Variants in MAP2 observed in about 807,000 individuals in gnomAD.
MAP2 encodes the protein microtubule associated protein 2.
A neutral mutation model predicts 137.6 loss-of-function variants in MAP2; 14 were observed. The ratio of observed to expected loss-of-function variants is 0.10; its 90% CI spans 0.07 to 0.16. The LOEUF is 0.16. Ranked by LOEUF, MAP2 falls within the 10% of genes least tolerant of loss-of-function variation. The pLI is 1.00. For missense variants in MAP2, 2,088 were observed against 2,191.5 expected (o/e 0.95, Z 0.94); for synonymous variants, 786 against 782.3 (o/e 1.00, Z -0.08).
chr2:209,631,005 CAAAAAAA>C (rs776266690), intron 4 of MAP2, among the ~76,000 whole-genome samples: 51 of 42,124 alleles, frequency 1.2e-3, no homozygotes, highest in East Asian at 4.3e-3. Context: ...GAGCTACAAG[CAAAAAAA>C]AAAAAAAAAA....
At chr2:209,566,796 A>AT (rs1414769727) in intron 2 of MAP2, among the ~76,000 whole-genome samples, 15 of 152,190 alleles carry the variant, frequency 9.9e-5, no homozygotes, top group African/African-American at 3.6e-4. Flanking sequence ...CTTTTAACTC[A>AT]TGAGTGTCAG....
chr2:209,696,459 G>A (rs2060214027), intron 8 of MAP2, 83 bp from the exon 9 acceptor site: 1 of 1,476,384 alleles, frequency 6.8e-7, no homozygotes, highest in Non-Finnish European at 9.2e-7. Flanking sequence ...TTTGTATTTT[G>A]TTAAATATAC....
At chr2:209,456,096 C>A (rs1701477556) in intron 1 of MAP2, among the ~76,000 whole-genome samples, 1 of 152,164 alleles carries the variant, frequency 6.6e-6, no homozygotes. Context: ...TACTCCCTGG[C>A]ATCTTGTCAC....
chr2:209,457,699 G>T (rs887731548), intron 1 of MAP2, among the ~76,000 whole-genome samples: 1 of 152,124 alleles, frequency 6.6e-6, no homozygotes, highest in African/African-American at 2.4e-5. Flanking sequence ...TAAACTCTAT[G>T]CATCACATGA....
intron 3 of MAP2, among the ~76,000 whole-genome samples, chr2:209,610,439 G>A (rs535214654): frequency 6.6e-6 from 1 of 151,340 alleles, no homozygotes; most frequent in African/African-American, 2.4e-5. Flanking sequence ...AATGTGTATT[G>A]TTTTTACTTT....
At position 209,653,326 on chromosome 2, in the gene MAP2, G is replaced by A; in HGVS notation, c.156G>A (p.Glu52=). ...GCGCCAATGGATTCCCATACAGGGA[G>A]GATGAAGAGGGTGCCTTTGGAGAGC... ...VRSANGFPYR[E]DEEGAFGEHG... is the part of the protein sequence containing the mutation. Residue 52 remains glutamate (E), a synonymous_variant, in exon 5 of 16, where the codon GAG becomes GAA. Transcript: ENST00000682079. 1 of 1,614,164 alleles carries A rather than the reference G, an allele frequency of 6.2e-7. No homozygotes were observed. Among genetic ancestry groups the A allele is most frequent in the South Asian group, 1.1e-5 (1 of 91,074 alleles).
intron 4 of MAP2, among the ~76,000 whole-genome samples, chr2:209,640,340 A>T (rs1046185328): frequency 1.7e-4 from 26 of 152,102 alleles, no homozygotes; most frequent in Non-Finnish European, 4.4e-5. Flanking sequence ...CTGTCCATTA[A>T]TTTTTTAAAT....
At chr2:209,513,143 G>C (rs776698286) in intron 2 of MAP2, among the ~76,000 whole-genome samples, 1 of 152,128 alleles carries the variant, frequency 6.6e-6, no homozygotes, top group Non-Finnish European at 1.5e-5. Flanking sequence ...AGAGGCGGAT[G>C]TTCTTAATGT....
intron 2 of MAP2, among the ~76,000 whole-genome samples, chr2:209,553,247 G>C (rs981577464): frequency 1.3e-5 from 2 of 151,990 alleles, no homozygotes. Flanking sequence ...TCTTGACCTC[G>C]TGGTCCACCA....
chr2:209,470,478 T>A (rs1221605313), intron 1 of MAP2, among the ~76,000 whole-genome samples: 1 of 149,528 alleles, frequency 6.7e-6, no homozygotes. Flanking sequence ...AACATATATA[T>A]TATATATATA....
rs139364278 is a variant in MAP2 at position 209,596,376 on chromosome 2, T to C, written c.-107+16276T>C. On this transcript the variant is annotated intron_variant, in intron 3 of 15. Transcript: ENST00000682079. ...CACCACGTGAATGTATGCAGCATGA[T>C]GCATCTACAATTAGATATATGACTG... is the stretch of plus-strand genomic sequence containing the variant. Among the ~76,000 whole-genome samples the C allele has an allele frequency of 3.3e-5, 5 of 152,336 alleles. No homozygotes were observed. The East Asian group carries it at 9.7e-4, about 29-fold the overall frequency.
chr2:209,446,468 A>G (rs1699083238), intron 1 of MAP2, among the ~76,000 whole-genome samples: 2 of 151,868 alleles, frequency 1.3e-5, no homozygotes, highest in African/African-American at 4.8e-5. Flanking sequence ...TCACTGCATT[A>G]AATTACTTTG....
chr2:209,672,598 C>A (rs1254764996), intron 5 of MAP2, among the ~76,000 whole-genome samples: 1 of 151,676 alleles, frequency 6.6e-6, no homozygotes, highest in Non-Finnish European at 1.5e-5. Flanking sequence ...GAATTTGATC[C>A]CAGGTTTTCT....
chr2:209,706,663 T>C (rs946098909), intron 12 of MAP2, among the ~76,000 whole-genome samples: 1 of 152,088 alleles, frequency 6.6e-6, no homozygotes, highest in Non-Finnish European at 1.5e-5. Context: ...GAAATAGTAC[T>C]AGAGAACTGC....
At chr2:209,587,527 C>T in intron 3 of MAP2, among the ~76,000 whole-genome samples, 1 of 152,064 alleles carries the variant, frequency 6.6e-6, no homozygotes, top group Admixed American at 6.6e-5. Flanking sequence ...TCATAAGAAG[C>T]CTTGACAGAC....
intron 1 of MAP2, among the ~76,000 whole-genome samples, chr2:209,431,187 G>C (rs1338250636): frequency 6.6e-6 from 1 of 151,850 alleles, no homozygotes; most frequent in Non-Finnish European, 1.5e-5. Flanking sequence ...GGTATCATGA[G>C]GGTATTAATA....
intron 3 of MAP2, among the ~76,000 whole-genome samples, chr2:209,592,633 A>G (rs999391475): frequency 4.6e-5 from 7 of 152,134 alleles, no homozygotes; most frequent in African/African-American, 1.4e-4. Context: ...ATCCAGTGTT[A>G]TTGATACGAA....
intron 1 of MAP2, among the ~76,000 whole-genome samples, chr2:209,425,809 T>C (rs926083408): frequency 1.3e-5 from 2 of 152,200 alleles, no homozygotes; most frequent in African/African-American, 4.8e-5. Flanking sequence ...ATTGAATAAA[T>C]AGAAGCCCTT....
At chr2:209,515,950 G>C (rs937683510) in intron 2 of MAP2, among the ~76,000 whole-genome samples, 1 of 151,840 alleles carries the variant, frequency 6.6e-6, no homozygotes, top group Non-Finnish European at 1.5e-5. Flanking sequence ...ACTATGCCAA[G>C]CTAAATTTTT....
Sources: allele counts gnomAD v4.1 joint callset (sites outside exome capture counted in the v4.1 genomes callset), GRCh38; gene constraint gnomAD v4.1.1; transcripts MANE v1.5; gene names NCBI Gene and HGNC (gene_info 2026-07-23, HGNC 2026-07-21).